The following ENO2 variants were observed in gnomAD, a reference collection of about 807,000 sequenced individuals.
ENO2 encodes enolase 2, also known as gamma-enolase.
Under a neutral mutation model 48.7 loss-of-function variants are expected in ENO2, and 19 were observed. That is an observed-to-expected ratio of 0.39 (90% CI 0.27 to 0.57). The LOEUF (loss-of-function observed/expected upper bound fraction) is 0.57, where lower values mean the gene tolerates loss of function less well. Ranked by LOEUF, ENO2 falls within the 20% of genes least tolerant of loss-of-function variation. ENO2 has a pLI of 0.58. For synonymous variants in ENO2, 198 were observed against 213.4 expected (o/e 0.93, Z 0.63); for missense variants, 416 against 555.0 (o/e 0.75, Z 2.52).
At chr12:6,919,024 G>A (rs2138186517) in intron 7 of ENO2, among the ~76,000 whole-genome samples, 1 of 69,918 alleles carries the variant, frequency 1.4e-5, no homozygotes, top group Non-Finnish European at 2.8e-5. Flanking sequence ...GAGCCCTTGG[G>A]AATACTGGGA....
rs1945268331 is a variant in ENO2 at position 6,914,609 on chromosome 12, G to A, written c.-63G>A. The A allele has an allele frequency of 1.2e-5, 2 of 167,704 alleles. No individual in the cohort carries two copies. The highest frequency in any genetic ancestry group is 1.3e-4 in the South Asian group (1 of 7,596). 10.4% of individuals were successfully genotyped at this position (167,704 alleles called of 1,614,324 possible). On this transcript the variant is annotated 5_prime_UTR_variant, in exon 1 of 12. Coordinates refer to ENST00000229277, the MANE Select transcript of ENO2 (RefSeq NM_001975.3). This position sits in a 1 kb window ranked among gnomAD's most constrained non-coding sequence, Gnocchi z 7.1. ...CTCCCGCTCTCTCAGCGCCGCCGTC[G>A]CCACCGCCACCGCCACCGCCACTAC...
Position 6,917,926 on chromosome 12 carries a change from C to T in ENO2, c.445-14C>T. The T allele has an allele frequency of 6.2e-7, 1 of 1,613,580 alleles. No individual in the cohort carries two copies. On this transcript the variant is annotated splice_polypyrimidine_tract_variant and intron_variant, in intron 6 of 11. Transcript: ENST00000229277. ...GGGGCTCTTTGACCCTTCTGTCTTT[C>T]TGTGGCTCCCCAGGCCTTCAACGTG...
chr12:6,917,304 T>C, intron 5 of ENO2, 197 bp downstream of exon 5: 1 of 729,994 alleles, frequency 1.4e-6, no homozygotes, highest in Non-Finnish European at 2.2e-6. Flanking sequence ...AAGACCTTCT[T>C]TGCAGCATAC....
At position 6,916,897 on chromosome 12, in the gene ENO2, G is replaced by T; in HGVS notation, c.241-141G>T. The T allele has an allele frequency of 7.2e-7, 1 of 1,394,242 alleles. No homozygotes were observed. The highest frequency in any genetic ancestry group is 1.0e-6 in the Non-Finnish European group (1 of 1,004,550). The allele number at this position is 1,394,242 out of a possible 1,614,324, so 86.4% of individuals were successfully genotyped here. On this transcript the variant is annotated intron_variant, in intron 4 of 11. Coordinates refer to ENST00000229277, the MANE Select transcript of ENO2 (RefSeq NM_001975.3). This position sits in a 1 kb window ranked among gnomAD's most constrained non-coding sequence, Gnocchi z 4.5. Reference sequence around the variant, plus strand: ...GCACCCTGCTCCCATGGGAGTTCAGGTCCCCTAATCCAGGTAGGCCCCTGT... The same window carrying T: ...GCACCCTGCTCCCATGGGAGTTCAGTTCCCCTAATCCAGGTAGGCCCCTGT...
chr12:6,920,372 T>TTGGG (rs1480991063), intron 8 of ENO2, among the ~76,000 whole-genome samples: 2 of 82,510 alleles, frequency 2.4e-5, no homozygotes, highest in African/African-American at 8.4e-5. Flanking sequence ...AGATTTTTTT[T>TTGGG]GGGGGGGGGG....
intron 8 of ENO2, 81 bp from the exon 9 acceptor site, chr12:6,921,500 A>C: frequency 7.0e-7 from 1 of 1,419,014 alleles, no homozygotes; most frequent in South Asian, 1.2e-5. Flanking sequence ...ATTTCAGGGA[A>C]TAAAGGGGCA....
chr12:6,916,582 A>G lies in ENO2; in HGVS notation c.181+70A>G. 6.2e-7 allele frequency: 1 copy of G among 1,611,034 alleles called. No homozygotes were observed. Among genetic ancestry groups the G allele is most frequent in the Non-Finnish European group, 8.5e-7 (1 of 1,177,594 alleles). On this transcript the variant is annotated intron_variant, in intron 3 of 11. Transcript: ENST00000229277. The surrounding 1 kb of genome is among the most constrained non-coding windows in gnomAD (Gnocchi z 4.5). ...ATGCCCCTACCTCACACCAGTCCCC[A>G]GTCCTCCTCTAGCATGGCTTCCCCT...
rs1555141936 is a variant in ENO2, at chr12:6,919,694, G to C, written c.796G>C (p.Asp266His). Residue 266 changes from aspartate (D) to histidine (H), a missense_variant, in exon 8 of 12, where the codon GAT becomes CAT. Physicochemically the swap from Asp to His is moderately conservative, Grantham distance 81. Transcript: ENST00000229277. ...KYDLDFKSPT[D>H]PSRYITGDQL... ...TGACTTGGACTTCAAGTCTCCCACT[G>C]ATCCTTCCCGATACATCACTGGGGA... is the stretch of plus-strand genomic sequence containing the variant. 6.2e-7 allele frequency: 1 copy of C among 1,614,084 alleles called. No individual in the cohort carries two copies. Among genetic ancestry groups the C allele is most frequent in the South Asian group, 1.1e-5 (1 of 91,070 alleles).
At chr12:6,915,995 C>A in intron 2 of ENO2, 78 bp downstream of exon 2, 3 of 1,498,610 alleles carry the variant, frequency 2.0e-6, no homozygotes, top group Non-Finnish European at 2.8e-6. Flanking sequence ...GGTTCGGAGG[C>A]CTTTTTTGAT....
rs1555142197 is a variant in ENO2 at position 6,922,201 on chromosome 12, T to C, written c.1176+37T>C. ...AGCCTGGTGAGTGAAGAGAACTCTC[T>C]GTGGGATTGGTATTTCTAGCTCACC... On this transcript the variant is annotated intron_variant, in intron 10 of 11. Transcript: ENST00000229277. This position sits in a 1 kb window ranked among gnomAD's most constrained non-coding sequence, Gnocchi z 5.3. The C allele has an allele frequency of 6.2e-7, 1 of 1,608,990 alleles. No individual in the cohort carries two copies. Among genetic ancestry groups the C allele is most frequent in the Admixed American group, 1.7e-5 (1 of 59,904 alleles).
At position 6,923,045 on chromosome 12, in the gene ENO2, C is replaced by A; in HGVS notation, c.*245C>A. On this transcript the variant is annotated 3_prime_UTR_variant, in exon 12 of 12. Coordinates refer to ENST00000229277, the MANE Select transcript of ENO2 (RefSeq NM_001975.3). ...TTCTTCCTTTCTCTTTCTCTCTTCC[C>A]TCAGAAACTAGAAATGTGAATGAGG... The A allele has an allele frequency of 2.0e-6, 1 of 493,054 alleles. No individual in the cohort carries two copies. The highest frequency in any genetic ancestry group is 3.7e-6 in the Non-Finnish European group (1 of 270,196). 30.5% of individuals were successfully genotyped at this position (493,054 alleles called of 1,614,324 possible).
intron 1 of ENO2, 39 bp from the exon 2 acceptor site, chr12:6,915,782 C>A (rs781812671): frequency 2.0e-6 from 3 of 1,501,276 alleles, no homozygotes; most frequent in Middle Eastern, 1.8e-4. Context: ...CCCCTCTAAG[C>A]CTCTTATCTT....
Position 6,916,765 on chromosome 12 carries a change from G to C in ENO2, c.240+36G>C. 1 of 1,613,012 alleles carries C rather than the reference G, an allele frequency of 6.2e-7. No homozygotes were observed. The highest frequency in any genetic ancestry group is 8.5e-7 in the Non-Finnish European group (1 of 1,179,302). ...CTCTTTGCTGGGGATAGCAGGGCCAGAGTTCTGGAAGGAATCCCGGAGCAG... is the reference window on the plus strand; with the variant it reads ...CTCTTTGCTGGGGATAGCAGGGCCACAGTTCTGGAAGGAATCCCGGAGCAG... On this transcript the variant is annotated intron_variant, in intron 4 of 11. Coordinates refer to ENST00000229277, the MANE Select transcript of ENO2 (RefSeq NM_001975.3). The surrounding 1 kb of genome is among the most constrained non-coding windows in gnomAD (Gnocchi z 4.5).
intron 5 of ENO2, 51 bp downstream of exon 5, chr12:6,917,158 G>T: frequency 6.2e-7 from 1 of 1,607,928 alleles, no homozygotes. Flanking sequence ...GGGAGGCGTG[G>T]AGCAGATAGA....
At position 6,922,320 on chromosome 12, in the gene ENO2, T is replaced by G; in HGVS notation, c.1177-24T>G. The G allele has an allele frequency of 6.2e-7, 1 of 1,614,186 alleles. No homozygotes were observed. The highest frequency in any genetic ancestry group is 8.5e-7 in the Non-Finnish European group (1 of 1,180,026). ...AGGGGTGAGAGGGCAGTCACTGAGC[T>G]GCAAATCCTTTGAAATGTTTCAGAT... is the stretch of plus-strand genomic sequence containing the variant. On this transcript the variant is annotated intron_variant, in intron 10 of 11. Transcript: ENST00000229277. This position sits in a 1 kb window ranked among gnomAD's most constrained non-coding sequence, Gnocchi z 5.3.
At chr12:6,915,989 C>G in intron 2 of ENO2, 72 bp downstream of exon 2, 5 of 1,548,838 alleles carry the variant, frequency 3.2e-6, no homozygotes, top group Non-Finnish European at 4.5e-6. Context: ...GCCAGGGGTT[C>G]GGAGGCCTTT....
At position 6,917,844 on chromosome 12, in the gene ENO2, C is replaced by T. The variant is rs1945305889; in HGVS notation, c.445-96C>T. 9 of 1,583,412 alleles carry T rather than the reference C, an allele frequency of 5.7e-6. No individual in the cohort carries two copies. In the South Asian group the frequency reaches 9.1e-5, roughly 16 times the overall value. ...GAAGGATGGGGACGTGAGACTTAGT[C>T]CGGAAAGCTGGGGGAAGTTTGGGAT... On this transcript the variant is annotated intron_variant, in intron 6 of 11. Coordinates refer to ENST00000229277, the MANE Select transcript of ENO2 (RefSeq NM_001975.3).
At position 6,915,889 on chromosome 12, in the gene ENO2, A is replaced by T; in HGVS notation, c.57A>T (p.Thr19=). The change falls in exon 2 of 12, where the codon ACA becomes ACT. Residue 19 remains threonine (T), a synonymous_variant. Transcript: ENST00000229277. Reference sequence around the variant, plus strand: ...TCCTGGACTCCCGCGGGAACCCCACAGTGGAGGTGGATCTCTATACTGCCA... The same window carrying T: ...TCCTGGACTCCCGCGGGAACCCCACTGTGGAGGTGGATCTCTATACTGCCA... The part of the protein sequence containing the change: ...REILDSRGNP[T]VEVDLYTAKG... 1 of 1,613,840 alleles carries T rather than the reference A, an allele frequency of 6.2e-7. No individual in the cohort carries two copies. Among genetic ancestry groups the T allele is most frequent in the Non-Finnish European group, 8.5e-7 (1 of 1,179,880 alleles).
rs1945298612 is a variant in ENO2 at position 6,917,126 on chromosome 12, A to T, written c.310+19A>T. The stretch of plus-strand genomic sequence containing the variant: ...AACAAATGTGAGCCGGGGCCGGGAG[A>T]AAGTGGGGAAGCGTCAGGGTGGGGA... On this transcript the variant is annotated intron_variant, in intron 5 of 11. Transcript: ENST00000229277. 17 of 1,613,796 alleles carry T rather than the reference A, an allele frequency of 1.1e-5. No individual in the cohort carries two copies. Among genetic ancestry groups the T allele is most frequent in the Non-Finnish European group, 1.4e-5 (17 of 1,179,964 alleles).
Sources: allele counts gnomAD v4.1 joint callset (sites outside exome capture counted in the v4.1 genomes callset), GRCh38; gene constraint gnomAD v4.1.1; non-coding constraint Gnocchi (gnomAD v3.1); transcripts MANE v1.5; gene names NCBI Gene and HGNC (gene_info 2026-07-23, HGNC 2026-07-21).